The following NREP variants were observed in gnomAD, a reference collection of about 807,000 sequenced individuals.
The protein encoded by NREP is neuronal regeneration related protein, also known as neuronal regeneration-related protein.
Under a neutral mutation model 8.6 loss-of-function variants are expected in NREP, and 5 were observed. That is an observed-to-expected ratio of 0.58 (90% confidence interval 0.30 to 1.22). The LOEUF (loss-of-function observed/expected upper bound fraction) is 1.22, where lower values mean the gene tolerates loss of function less well. NREP is among the 50% of genes most tolerant of loss of function. The pLI is 0.07. For missense variants in NREP, 86 were observed against 82.5 expected (o/e 1.04, Z -0.17); for synonymous variants, 27 against 28.0 (o/e 0.96, Z 0.11).
At chr5:111,974,264 G>A (rs1050187857) in intron 2 of NREP, 2 of 152,188 alleles carry the variant, frequency 1.3e-5, no homozygotes, top group Non-Finnish European at 2.9e-5. Flanking sequence ...ATCCAAGAAT[G>A]CAAGGAAAAT....
chr5:111,963,191 G>T (rs1242958322), intron 2 of NREP, among the ~76,000 whole-genome samples: 1 of 152,244 alleles, frequency 6.6e-6, no homozygotes, highest in Non-Finnish European at 1.5e-5. Flanking sequence ...GCAACGCCAT[G>T]GGGCCTGCAT....
chr5:111,867,758 T>G (rs1291614286), intron 2 of NREP, among the ~76,000 whole-genome samples: 2 of 152,172 alleles, frequency 1.3e-5, no homozygotes, highest in Non-Finnish European at 2.9e-5. Context: ...TGATGCTGTA[T>G]GCCCCCTTTA....
chr5:111,947,868 T>C (rs531830848), intron 2 of NREP, among the ~76,000 whole-genome samples: 1 of 152,088 alleles, frequency 6.6e-6, no homozygotes, highest in South Asian at 2.1e-4. Context: ...TCCTTGATCT[T>C]ACAAATGTCT....
intron 2 of NREP, among the ~76,000 whole-genome samples, chr5:111,893,868 T>C (rs1754448598): frequency 6.6e-6 from 1 of 151,876 alleles, no homozygotes; most frequent in South Asian, 2.1e-4. Flanking sequence ...GGCTAAAAAA[T>C]ACAATGATGT....
At chr5:111,757,352 A>C (rs116859030), upstream of NREP, 8,713 of 907,318 alleles carry the variant, frequency 9.6e-3, 59 homozygotes, top group East Asian at 0.049. Flanking sequence ...AGCCTTGGAA[A>C]AAGGAGGAGG....
chr5:111,757,340 G>A (rs1750788039), upstream of NREP: 2 of 866,726 alleles, frequency 2.3e-6, no homozygotes, highest in South Asian at 1.1e-4. Flanking sequence ...TCCAAGAAGT[G>A]CAGCCTTGGA....
Position 111,854,732 on chromosome 5 carries a change from G to GA in NREP, c.136-119226dup, listed in dbSNP as rs1033595106. ...AACATGAAAATGAATAATAAAACATGAAAAAAACTTGACAGATAAGGCCAG... is the reference window on the plus strand; with the variant it reads ...AACATGAAAATGAATAATAAAACATGAAAAAAAACTTGACAGATAAGGCCAG... On this transcript the variant is annotated intron_variant, in intron 2 of 3. Transcript: ENST00000395634. Among the ~76,000 whole-genome samples the GA allele has an allele frequency of 1.6e-4, 24 of 151,964 alleles. 1 individual carries two copies. Among genetic ancestry groups the GA allele is most frequent in the African/African-American group, 5.8e-4 (24 of 41,384 alleles).
intron 2 of NREP, among the ~76,000 whole-genome samples, chr5:111,773,607 T>C (rs1751287863): frequency 6.6e-6 from 1 of 152,180 alleles, no homozygotes; most frequent in Admixed American, 6.5e-5. Context: ...ATTTGCCCCT[T>C]GGTACATTAT....
At chr5:111,779,919 G>A (rs1751453808) in intron 2 of NREP, among the ~76,000 whole-genome samples, 1 of 152,124 alleles carries the variant, frequency 6.6e-6, no homozygotes. Context: ...TTTTGCCTCA[G>A]AAGTTCTGTT....
intron 2 of NREP, among the ~76,000 whole-genome samples, chr5:111,754,749 A>C (rs1486040377): frequency 6.6e-6 from 1 of 152,244 alleles, no homozygotes; most frequent in Admixed American, 6.5e-5. Context: ...ATAAAAAATA[A>C]AACACTTGTT....
chr5:111,862,539 T>A (rs769662966), intron 2 of NREP, among the ~76,000 whole-genome samples: 5 of 152,140 alleles, frequency 3.3e-5, no homozygotes, highest in Non-Finnish European at 7.4e-5. Context: ...GCAAAACAGT[T>A]GGCAACGTTC....
chr5:111,825,365 AC>A (rs1311360484), intron 2 of NREP, among the ~76,000 whole-genome samples: 2 of 152,204 alleles, frequency 1.3e-5, no homozygotes, highest in Non-Finnish European at 2.9e-5. Context: ...GGACAGGTCC[AC>A]AGCTGCAAAC....
At chr5:111,816,754 T>G (rs1358644546) in intron 2 of NREP, among the ~76,000 whole-genome samples, 1 of 150,298 alleles carries the variant, frequency 6.7e-6, no homozygotes, top group Non-Finnish European at 1.5e-5. Context: ...AAAAGTAAGA[T>G]GATAGTTTTA....
chr5:111,916,210 A>G (rs929431081), intron 2 of NREP, among the ~76,000 whole-genome samples: 1 of 152,078 alleles, frequency 6.6e-6, no homozygotes, highest in African/African-American at 2.4e-5. Flanking sequence ...GATATAGTAG[A>G]TGTTGATGAT....
intron 2 of NREP, among the ~76,000 whole-genome samples, chr5:111,880,498 G>A (rs1278392948): frequency 6.6e-6 from 1 of 152,078 alleles, no homozygotes; most frequent in Non-Finnish European, 1.5e-5. Context: ...TTCTTGCATG[G>A]TCGTCCTTCT....
chr5:111,937,877 C>G (rs1020237305), intron 2 of NREP, among the ~76,000 whole-genome samples: 2 of 152,056 alleles, frequency 1.3e-5, no homozygotes, highest in Admixed American at 1.3e-4. Flanking sequence ...ACCTGGTCAC[C>G]TGATTCAAAG....
At chr5:111,943,353 C>T (rs748505953) in intron 2 of NREP, among the ~76,000 whole-genome samples, 12 of 152,054 alleles carry the variant, frequency 7.9e-5, no homozygotes, top group Admixed American at 7.9e-4. Context: ...CTGTCTTGCT[C>T]TTAAATGCTG....
intron 2 of NREP, among the ~76,000 whole-genome samples, chr5:111,949,494 T>C (rs1040229323): frequency 2.6e-5 from 4 of 152,112 alleles, no homozygotes; most frequent in African/African-American, 9.7e-5. Flanking sequence ...TTTTTAAATA[T>C]ATTACTTTAA....
intron 2 of NREP, among the ~76,000 whole-genome samples, chr5:111,907,887 AT>A (rs999846214): frequency 7.9e-5 from 12 of 151,836 alleles, no homozygotes; most frequent in African/African-American, 2.7e-4. Context: ...AATTATTACT[AT>A]TTTTTTTATA....
Sources: allele counts gnomAD v4.1 joint callset (sites outside exome capture counted in the v4.1 genomes callset), GRCh38; gene constraint gnomAD v4.1.1; transcripts MANE v1.5; gene names NCBI Gene and HGNC (gene_info 2026-07-23, HGNC 2026-07-21).